The following PLCH1 variants were observed in gnomAD, a reference collection of about 807,000 sequenced individuals.
PLCH1 encodes the protein 1-phosphatidylinositol 4,5-bisphosphate phosphodiesterase eta-1.
A neutral mutation model predicts 126.7 loss-of-function variants in PLCH1; 60 were observed. The ratio of observed to expected loss-of-function variants is 0.47; its 90% CI spans 0.38 to 0.59. The LOEUF (loss-of-function observed/expected upper bound fraction) is 0.59, where lower values mean the gene tolerates loss of function less well. PLCH1 is among the 20% of genes least tolerant of loss of function. The probability of loss-of-function intolerance (pLI) is 0.00; values close to 1 mark genes in which losing one functional copy is unlikely to be tolerated. For missense variants in PLCH1, 1,723 were observed against 2,040.0 expected (o/e 0.84, Z 2.99); for synonymous variants, 719 against 734.9 (o/e 0.98, Z 0.35).
At chr3:155,629,453 AATAAG>A (rs1737760449) in intron 2 of PLCH1, among the ~76,000 whole-genome samples, 2 of 152,218 alleles carry the variant, frequency 1.3e-5, no homozygotes, top group South Asian at 4.1e-4. Flanking sequence ...GACAAGCATT[AATAAG>A]ATCTTAAACA....
chr3:155,461,569 C>T (rs527617665), intron 21 of PLCH1, among the ~76,000 whole-genome samples: 129 of 152,308 alleles, frequency 8.5e-4, no homozygotes, highest in Non-Finnish European at 1.5e-3. Flanking sequence ...GATCACCTAC[C>T]TGTTTGGCTC....
At chr3:155,669,286 A>G (rs1453645116) in intron 2 of PLCH1, among the ~76,000 whole-genome samples, 1 of 152,252 alleles carries the variant, frequency 6.6e-6, no homozygotes, top group Non-Finnish European at 1.5e-5. Context: ...AAATAAAATA[A>G]GAAACTTGAA....
intron 2 of PLCH1, among the ~76,000 whole-genome samples, chr3:155,668,084 C>CAAA (rs756879174): frequency 6.9e-4 from 26 of 37,914 alleles, no homozygotes; most frequent in South Asian, 9.2e-4. Flanking sequence ...GACTCCATCT[C>CAAA]AAAAAAAAAA....
At chr3:155,709,299 G>C (rs906836796) in intron 1 of PLCH1, among the ~76,000 whole-genome samples, 2 of 152,178 alleles carry the variant, frequency 1.3e-5, no homozygotes, top group African/African-American at 4.8e-5. Flanking sequence ...TAATACCAAG[G>C]AGGGTGACTG....
chr3:155,656,176 A>G (rs1381054146), intron 2 of PLCH1, among the ~76,000 whole-genome samples: 1 of 141,862 alleles, frequency 7.0e-6, no homozygotes, highest in Admixed American at 7.2e-5. Flanking sequence ...ACCCCCCCCC[A>G]AATAAAAACT....
intron 21 of PLCH1, among the ~76,000 whole-genome samples, chr3:155,467,016 C>T (rs1712952255): frequency 6.6e-6 from 1 of 151,892 alleles, no homozygotes; most frequent in African/African-American, 2.4e-5. Context: ...CTCAAAAGGG[C>T]TAATCTAACA....
chr3:155,704,159 G>A lies in PLCH1; in HGVS notation c.66C>T (p.Asn22=). The A allele has an allele frequency of 8.2e-7, 1 of 1,220,786 alleles. No individual in the cohort carries two copies. The highest frequency in any genetic ancestry group is 1.0e-6 in the Non-Finnish European group (1 of 978,008). The allele number at this position is 1,220,786 out of a possible 1,614,324, so 75.6% of individuals were successfully genotyped here. Residue 22 remains asparagine (N), a synonymous_variant, in exon 2 of 23, where the codon AAC becomes AAT. Transcript: ENST00000460012. ...VQYRRHFLVD[N]SVFHVERCMS... ...GAGACAGCTTACCATGAAACACACT[G>A]TTGTCCACCAGAAAATGCCTGCGGT... is the stretch of plus-strand genomic sequence containing the variant.
intron 2 of PLCH1, among the ~76,000 whole-genome samples, chr3:155,619,905 C>T (rs1736250343): frequency 6.6e-6 from 1 of 152,072 alleles, no homozygotes; most frequent in Non-Finnish European, 1.5e-5. Context: ...AAGGAAAATG[C>T]CTGGGAGAAT....
chr3:155,592,156 A>G (rs534670421), intron 4 of PLCH1, among the ~76,000 whole-genome samples: 1 of 145,670 alleles, frequency 6.9e-6, no homozygotes, highest in East Asian at 2.0e-4. Flanking sequence ...ATTTCTGGGA[A>G]GTTTTTCTTT....
intron 21 of PLCH1, among the ~76,000 whole-genome samples, chr3:155,470,600 G>A (rs1303569943): frequency 1.3e-5 from 2 of 152,104 alleles, no homozygotes; most frequent in Admixed American, 6.5e-5. Flanking sequence ...TCCTCGAGAA[G>A]AGCAACTCCA....
intron 21 of PLCH1, among the ~76,000 whole-genome samples, chr3:155,473,880 A>T (rs1713399920): frequency 6.6e-6 from 1 of 151,902 alleles, no homozygotes. Context: ...CATATGTAGA[A>T]AGCTGAAACT....
chr3:155,690,918 C>T (rs1745331330), intron 2 of PLCH1, among the ~76,000 whole-genome samples: 1 of 152,110 alleles, frequency 6.6e-6, no homozygotes, highest in Non-Finnish European at 1.5e-5. Context: ...TTTTAACAAG[C>T]TCCCAGGGAC....
chr3:155,484,901 C>T (rs543629707), intron 22 of PLCH1, among the ~76,000 whole-genome samples: 2 of 152,294 alleles, frequency 1.3e-5, no homozygotes, highest in African/African-American at 4.8e-5. Context: ...AAAAGATTTG[C>T]CTGTTTTTGA....
intron 2 of PLCH1, among the ~76,000 whole-genome samples, chr3:155,612,335 A>C (rs570949139): frequency 1.3e-5 from 2 of 151,440 alleles, no homozygotes; most frequent in African/African-American, 4.8e-5. Context: ...GTCTCAAAAA[A>C]AAAAAAAAAA....
At chr3:155,625,469 A>G (rs1482316299) in intron 2 of PLCH1, among the ~76,000 whole-genome samples, 1 of 152,178 alleles carries the variant, frequency 6.6e-6, no homozygotes, top group Non-Finnish European at 1.5e-5. Flanking sequence ...CTAAAGAATG[A>G]GAGAAAATTT....
intron 8 of PLCH1, among the ~76,000 whole-genome samples, chr3:155,558,809 C>T (rs868176595): frequency 1.3e-5 from 2 of 152,030 alleles, no homozygotes; most frequent in Admixed American, 6.6e-5. Context: ...AAAATGAAAC[C>T]GCAGATAAGA....
At chr3:155,531,927 C>T (rs1162201834) in intron 10 of PLCH1, among the ~76,000 whole-genome samples, 1 of 152,194 alleles carries the variant, frequency 6.6e-6, no homozygotes, top group African/African-American at 2.4e-5. Flanking sequence ...ACCACTCAAA[C>T]TTTCTCTCTA....
intron 1 of PLCH1, among the ~76,000 whole-genome samples, chr3:155,728,517 C>T (rs1381601888): frequency 6.6e-6 from 1 of 152,162 alleles, no homozygotes; most frequent in African/African-American, 2.4e-5. Flanking sequence ...GTCCCACAAC[C>T]ATCAAGCAAC....
chr3:155,595,783 G>A (rs76329183), intron 3 of PLCH1, among the ~76,000 whole-genome samples: 2,665 of 152,050 alleles, frequency 0.018, 39 homozygotes, highest in Non-Finnish European at 0.029. Flanking sequence ...ATAGTGTGAG[G>A]GAAAGAAGCT....
Sources: gnomAD v4.1 joint callset for allele counts (sites outside exome capture counted in the v4.1 genomes callset) on GRCh38, gnomAD v4.1.1 for gene constraint, MANE v1.5 for transcripts, NCBI Gene and HGNC (gene_info 2026-07-23, HGNC 2026-07-21) for gene names.